The following SLC25A42 variants were observed in gnomAD, a reference collection of about 807,000 sequenced individuals.
The protein encoded by SLC25A42 is solute carrier family 25 member 42.
A neutral mutation model predicts 34.7 loss-of-function variants in SLC25A42; 19 were observed. That is an observed-to-expected ratio of 0.55 (90% CI 0.38 to 0.80). SLC25A42 has a LOEUF of 0.80. SLC25A42 is among the 30% of genes least tolerant of loss of function. The pLI, the probability that SLC25A42 is intolerant of heterozygous loss-of-function variation, is 0.00. For synonymous variants in SLC25A42, 205 were observed against 191.2 expected, an observed-to-expected ratio of 1.07 and a Z score of -0.59; for missense variants, 364 against 441.3, an observed-to-expected ratio of 0.82 and a Z score of 1.57.
At chr19:19,102,252 G>A (rs1174040110) in intron 3 of SLC25A42, among the ~76,000 whole-genome samples, 3 of 151,680 alleles carry the variant, frequency 2.0e-5, no homozygotes, top group Non-Finnish European at 4.4e-5. Flanking sequence ...CTCGTAATCC[G>A]CCCGCCTCGG....
Position 19,110,668 on chromosome 19 carries a change from T to C in SLC25A42, c.749T>C (p.Val250Ala). ...GQSASYPLDV[V>A]RRRMQTAGVT... The stretch of plus-strand genomic sequence containing the variant: ...TCGGCCTCGTACCCGCTGGATGTGG[T>C]GCGGCGGCGCATGCAGACGGCCGGC... The change falls in exon 8 of 8, where the codon GTG (valine) becomes GCG (alanine). Residue 250 changes from valine (V) to alanine (A), a missense_variant. By Grantham distance (64) the Val-to-Ala change is moderately conservative. Transcript: ENST00000318596. 1.3e-6 allele frequency: 2 copies of C among 1,562,074 alleles called. No homozygotes were observed. Among genetic ancestry groups the C allele is most frequent in the South Asian group, 1.2e-5 (1 of 86,360 alleles).
At position 19,105,708 on chromosome 19, in the gene SLC25A42, T is replaced by C; in HGVS notation, c.361T>C (p.Tyr121His). 1 of 1,594,854 alleles carries C rather than the reference T, an allele frequency of 6.3e-7. No individual in the cohort carries two copies. The change falls in exon 5 of 8, where the codon TAC (tyrosine) becomes CAC (histidine). Residue 121 changes from tyrosine to histidine, a missense_variant. Coordinates refer to ENST00000318596, the MANE Select transcript of SLC25A42 (RefSeq NM_178526.5). Reference protein sequence around the residue: ...HEEYKRILGSYYGFRGEALPP... With the variant: ...HEEYKRILGSHYGFRGEALPP... ...GGAGTACAAGCGCATCCTGGGCAGCTACTATGGCTTCCGTGGAGAGTGAGG... is the reference window on the plus strand; with the variant it reads ...GGAGTACAAGCGCATCCTGGGCAGCCACTATGGCTTCCGTGGAGAGTGAGG...
rs576164391 is a variant in SLC25A42 at position 19,112,875 on chromosome 19, C to T, written c.*1999C>T. On this transcript the variant is annotated 3_prime_UTR_variant, in exon 8 of 8. Transcript: ENST00000318596. This position sits in a 1 kb window ranked among gnomAD's most constrained non-coding sequence, Gnocchi z 4.3. Reference sequence around the variant, plus strand: ...GCCAAGAGAGTATATTTAATAAAAACTTAAATGACTTCTTCTCCTGCTCCT... The same window carrying T: ...GCCAAGAGAGTATATTTAATAAAAATTTAAATGACTTCTTCTCCTGCTCCT... The T allele has an allele frequency of 6.5e-6, 1 of 152,802 alleles. No homozygotes were observed. Among genetic ancestry groups the T allele is most frequent in the East Asian group, 1.9e-4 (1 of 5,192 alleles). 9.5% of individuals were successfully genotyped at this position (152,802 alleles called of 1,614,324 possible). A position where few individuals can be genotyped will look rare whatever the true frequency, so the allele number is the denominator to read the frequency against.
intron 1 of SLC25A42, among the ~76,000 whole-genome samples, chr19:19,074,464 A>C (rs1315814055): frequency 6.6e-6 from 1 of 152,196 alleles, no homozygotes; most frequent in Non-Finnish European, 1.5e-5. Context: ...GATCCATTTC[A>C]CGGCTGCTTA....
chr19:19,090,638 C>A (rs770765759), intron 1 of SLC25A42, among the ~76,000 whole-genome samples: 3 of 151,620 alleles, frequency 2.0e-5, no homozygotes, highest in African/African-American at 7.3e-5. Context: ...TGGGTGAGAC[C>A]CCGTCTCAAA....
chr19:19,077,214 A>C (rs2059659693), intron 1 of SLC25A42, among the ~76,000 whole-genome samples: 1 of 152,168 alleles, frequency 6.6e-6, no homozygotes, highest in Non-Finnish European at 1.5e-5. Flanking sequence ...AGTGTGGTAA[A>C]ATACACAGTA....
chr19:19,092,845 G>A (rs895149119), intron 1 of SLC25A42, among the ~76,000 whole-genome samples: 1 of 152,178 alleles, frequency 6.6e-6, no homozygotes, highest in African/African-American at 2.4e-5. Context: ...ACAGCCCCCA[G>A]GGTCTGTAGC....
chr19:19,110,287 G>A (rs1209479649), intron 7 of SLC25A42, among the ~76,000 whole-genome samples: 2 of 152,130 alleles, frequency 1.3e-5, no homozygotes, highest in African/African-American at 2.4e-5. Flanking sequence ...AGGGTGCAGT[G>A]AGCCGAGATT....
chr19:19,100,703 T>A (rs948184556), intron 2 of SLC25A42, among the ~76,000 whole-genome samples: 1 of 152,126 alleles, frequency 6.6e-6, no homozygotes, highest in Non-Finnish European at 1.5e-5. Flanking sequence ...ATCTGATGCT[T>A]CTGTTGGCAT....
chr19:19,097,065 A>T (rs1171264634), intron 2 of SLC25A42, among the ~76,000 whole-genome samples: 1 of 152,194 alleles, frequency 6.6e-6, no homozygotes, highest in South Asian at 2.1e-4. Flanking sequence ...TCTCAAAGCA[A>T]TTGGGTCAGC....
chr19:19,107,189 C>T (rs956746742), intron 6 of SLC25A42, among the ~76,000 whole-genome samples: 5 of 151,484 alleles, frequency 3.3e-5, no homozygotes, highest in South Asian at 2.1e-4. Flanking sequence ...TGATGGCATA[C>T]GCCTGTGATC....
At chr19:19,073,766 G>A (rs985156038) in intron 1 of SLC25A42, among the ~76,000 whole-genome samples, 1 of 152,164 alleles carries the variant, frequency 6.6e-6, no homozygotes, top group African/African-American at 2.4e-5. Context: ...TAGAGACGGG[G>A]TTTAACCATG....
At position 19,110,861 on chromosome 19, in the gene SLC25A42, G is replaced by A. The variant is rs2059860610; in HGVS notation, c.942G>A (p.Arg314=). Residue 314 remains arginine, a synonymous_variant, in exon 8 of 8, where the codon CGG becomes CGA. Transcript: ENST00000318596. ...TCGACCTCATGCAGATCCTGCTGCG[G>A]CACCTGCAGAGCTAGGGGACCCTGA... The part of the protein sequence containing the change: ...TTFDLMQILL[R]HLQS 6.2e-7 allele frequency: 1 copy of A among 1,613,862 alleles called. No homozygotes were observed. The highest frequency in any genetic ancestry group is 1.7e-5 in the Admixed American group (1 of 60,030).
At position 19,106,299 on chromosome 19, in the gene SLC25A42, C is replaced by T. The variant is rs760491432; in HGVS notation, c.411C>T (p.Ala137=). The change falls in exon 6 of 8, where the codon GCC becomes GCT. Residue 137 remains alanine, a synonymous_variant. Coordinates refer to ENST00000318596, the MANE Select transcript of SLC25A42 (RefSeq NM_178526.5). ...EALPPWPRLF[A]GALAGTTAAS... is the part of the protein sequence containing the mutation. ...TGCCCCCTTGGCCTCGCCTCTTCGC[C>T]GGCGCACTGGCTGGAACGACAGCCG... 3.0e-5 allele frequency: 48 copies of T among 1,612,944 alleles called. No individual in the cohort carries two copies. Among genetic ancestry groups the T allele is most frequent in the Admixed American group, 2.5e-4 (15 of 60,000 alleles).
intron 1 of SLC25A42, among the ~76,000 whole-genome samples, chr19:19,069,846 G>A (rs1331863210): frequency 6.8e-6 from 1 of 147,626 alleles, no homozygotes; most frequent in African/African-American, 2.5e-5. Flanking sequence ...TTTTTTTTGA[G>A]ACAAGCTCTT....
rs1021519318 is a variant in SLC25A42 at position 19,081,977 on chromosome 19, G to A, written c.-34-14114G>A. ...GCAAGTCTGGGTACACGTTGTCATGGGAGTGATTGGCCTCCTGGGACCACT... is the reference window on the plus strand; with the variant it reads ...GCAAGTCTGGGTACACGTTGTCATGAGAGTGATTGGCCTCCTGGGACCACT... On this transcript the variant is annotated intron_variant, in intron 1 of 7. Coordinates refer to ENST00000318596, the MANE Select transcript of SLC25A42 (RefSeq NM_178526.5). The surrounding 1 kb of genome is among the most constrained non-coding windows in gnomAD (Gnocchi z 4.5). Among the ~76,000 whole-genome samples the A allele has an allele frequency of 1.3e-5, 2 of 152,142 alleles. No homozygotes were observed. Among genetic ancestry groups the A allele is most frequent in the African/African-American group, 4.8e-5 (2 of 41,418 alleles).
intron 1 of SLC25A42, 51 bp from the exon 2 acceptor site, chr19:19,096,040 A>C: frequency 1.6e-6 from 2 of 1,231,644 alleles, no homozygotes; most frequent in Non-Finnish European, 2.4e-6. Flanking sequence ...TGGAACACCC[A>C]CCATCTCTCA....
intron 1 of SLC25A42, among the ~76,000 whole-genome samples, chr19:19,093,045 CA>C (rs2059746454): frequency 6.6e-6 from 1 of 151,942 alleles, no homozygotes; most frequent in South Asian, 2.1e-4. Flanking sequence ...TTTTGAGACC[CA>C]GTCTTGCTCT....
chr19:19,108,325 C>T (rs1474702205), intron 7 of SLC25A42, among the ~76,000 whole-genome samples: 1 of 152,030 alleles, frequency 6.6e-6, no homozygotes, highest in African/African-American at 2.4e-5. Context: ...CCGAGGTGGG[C>T]GGATCACTTG....
Sources: allele counts gnomAD v4.1 joint callset (sites outside exome capture counted in the v4.1 genomes callset), GRCh38; gene constraint gnomAD v4.1.1; non-coding constraint Gnocchi (gnomAD v3.1); transcripts MANE v1.5; gene names NCBI Gene and HGNC (gene_info 2026-07-23, HGNC 2026-07-21).